Variants in JAKMIP3 observed in about 807,000 individuals in gnomAD.
JAKMIP3 encodes the protein Janus kinase and microtubule interacting protein 3, also known as janus kinase and microtubule-interacting protein 3.
A neutral mutation model predicts 118.5 loss-of-function variants in JAKMIP3; 58 were observed. The ratio of observed to expected loss-of-function variants is 0.49; its 90% CI spans 0.40 to 0.61. The LOEUF (loss-of-function observed/expected upper bound fraction) is 0.61. Ranked by LOEUF, JAKMIP3 falls within the 20% of genes least tolerant of loss-of-function variation. The pLI is 0.00. For synonymous variants in JAKMIP3, 486 were observed against 451.2 expected (o/e 1.08, Z -0.98); for missense variants, 950 against 1,109.0 (o/e 0.86, Z 2.04).
chr10:132,070,606 A>T (rs2039691667), intron 1 of JAKMIP3, among the ~76,000 whole-genome samples: 1 of 152,188 alleles, frequency 6.6e-6, no homozygotes, highest in African/African-American at 2.4e-5. Flanking sequence ...TTGTCTACTC[A>T]TTCCTGAAGT....
At chr10:132,073,104 A>T (rs1038842754) in intron 1 of JAKMIP3, among the ~76,000 whole-genome samples, 11 of 152,218 alleles carry the variant, frequency 7.2e-5, no homozygotes, top group African/African-American at 2.7e-4. Flanking sequence ...GTGGTTGAGT[A>T]GTATTCCATG....
chr10:132,177,520 T>TTG (rs1206135195), intron 23 of JAKMIP3, among the ~76,000 whole-genome samples: 1 of 57,012 alleles, frequency 1.8e-5, no homozygotes, highest in Admixed American at 2.3e-4. Flanking sequence ...GTGCCCTGGG[T>TTG]AGTGTGTGTG....
At chr10:132,133,646 C>T in intron 4 of JAKMIP3, 119 bp downstream of exon 4, 1 of 925,114 alleles carries the variant, frequency 1.1e-6, no homozygotes, top group Non-Finnish European at 1.6e-6. Context: ...GAGGCAGCAC[C>T]CTCCTGCCTG....
chr10:132,059,476 A>G (rs1235381872), intron 1 of JAKMIP3, among the ~76,000 whole-genome samples: 2 of 152,370 alleles, frequency 1.3e-5, no homozygotes, highest in East Asian at 3.9e-4. Flanking sequence ...CGTGGTGACC[A>G]CAGCAAGGAT....
intron 2 of JAKMIP3, among the ~76,000 whole-genome samples, chr10:132,111,358 A>C (rs1018626400): frequency 9.7e-5 from 14 of 144,612 alleles, no homozygotes; most frequent in Non-Finnish European, 3.1e-5. Context: ...GACCCCCCCC[A>C]TGAGCACAGC....
rs187401584 is a variant in JAKMIP3, at chr10:132,044,937, T to G, written c.-138+8199T>G. ...GCATGCGCGTCAGGATTTCCTTCCT[T>G]GAAGGCTGAATCCTACTCCACGGAA... On this transcript the variant is annotated intron_variant, in intron 1 of 23. Transcript: ENST00000657785. This position sits in a 1 kb window ranked among gnomAD's most constrained non-coding sequence, Gnocchi z 5.3. Among the ~76,000 whole-genome samples the G allele has an allele frequency of 2.9e-4, 44 of 152,210 alleles. No homozygotes were observed. In the East Asian group the frequency reaches 7.2e-3, roughly 25 times the overall value.
At chr10:132,091,674 T>C (rs181559637) in intron 1 of JAKMIP3, among the ~76,000 whole-genome samples, 12,946 of 152,134 alleles carry the variant, frequency 0.085, 1,280 homozygotes, top group African/African-American at 0.24. Flanking sequence ...TCTCTGCACG[T>C]GAGATGGGTT....
At chr10:132,084,190 G>C (rs184458201) in intron 1 of JAKMIP3, among the ~76,000 whole-genome samples, 55 of 151,666 alleles carry the variant, frequency 3.6e-4, no homozygotes, top group Non-Finnish European at 7.1e-4. Context: ...GTTTCCACTC[G>C]TTTGTGTTAT....
At chr10:132,120,959 G>A (rs368904046) in intron 3 of JAKMIP3, among the ~76,000 whole-genome samples, 14 of 152,248 alleles carry the variant, frequency 9.2e-5, no homozygotes, top group Non-Finnish European at 1.8e-4. Flanking sequence ...GCGGCACAGC[G>A]TGGTGTCCAG....
chr10:132,097,443 T>C (rs780504194), intron 1 of JAKMIP3, among the ~76,000 whole-genome samples: 2 of 151,996 alleles, frequency 1.3e-5, no homozygotes, highest in Non-Finnish European at 2.9e-5. Context: ...TCACACGGAC[T>C]CTCGGGAGGT....
rs550665337 is a variant in JAKMIP3, at chr10:132,105,433, C to T, written c.135+490C>T. On this transcript the variant is annotated intron_variant, in intron 2 of 23. Coordinates refer to ENST00000684848, the MANE Select transcript of JAKMIP3 (RefSeq NM_001323087.2). ...GAATGTGGAGATGCAGGGGCAAGCC[C>T]GGGGGATGGGGAGGCCCACGATGGC... 9.1e-4 allele frequency among the ~76,000 whole-genome samples: 138 copies of T among 151,548 alleles called. 5 individuals carry two copies. The South Asian group carries it at 0.028, about 30-fold the overall frequency.
chr10:132,119,443 G>A (rs751673428), intron 3 of JAKMIP3, among the ~76,000 whole-genome samples: 6 of 152,092 alleles, frequency 3.9e-5, no homozygotes, highest in Admixed American at 6.5e-5. Context: ...TTATAGTTTC[G>A]TCTTGCATAC....
intron 1 of JAKMIP3, among the ~76,000 whole-genome samples, chr10:132,071,065 G>A (rs2039757991): frequency 6.6e-6 from 1 of 151,836 alleles, no homozygotes. Flanking sequence ...GCTGTGTCCT[G>A]CAACTTCTGG....
intron 22 of JAKMIP3, 32 bp from the exon 23 acceptor site, chr10:132,167,921 T>C (rs1247660708): frequency 2.3e-6 from 3 of 1,282,684 alleles, no homozygotes; most frequent in Non-Finnish European, 3.0e-6. Context: ...GGAGCCTCGC[T>C]GACTCTGCAC....
intron 1 of JAKMIP3, among the ~76,000 whole-genome samples, chr10:132,104,140 G>C (rs2045539433): frequency 1.4e-5 from 2 of 142,278 alleles, no homozygotes; most frequent in African/African-American, 2.8e-5. Flanking sequence ...ATGGATGCAG[G>C]TTGCCTCCAC....
chr10:132,142,602 G>A (rs970921307), intron 11 of JAKMIP3, among the ~76,000 whole-genome samples: 1 of 152,180 alleles, frequency 6.6e-6, no homozygotes, highest in Non-Finnish European at 1.5e-5. Context: ...GCCTCAGTGT[G>A]GCTGGCGGGT....
chr10:132,150,667 C>T (rs1564967772), intron 16 of JAKMIP3, among the ~76,000 whole-genome samples: 1 of 152,054 alleles, frequency 6.6e-6, no homozygotes, highest in Non-Finnish European at 1.5e-5. Flanking sequence ...TCCATGTATC[C>T]ATCCTCCACA....
chr10:132,062,954 T>G (rs1282345334), upstream of JAKMIP3, among the ~76,000 whole-genome samples: 2 of 152,002 alleles, frequency 1.3e-5, no homozygotes, highest in East Asian at 3.9e-4. Context: ...TGCAATATAA[T>G]AGAAGGAAGA....
Position 132,150,935 on chromosome 10 carries a change from G to A in JAKMIP3, c.2007+894G>A, listed in dbSNP as rs564643949. The stretch of plus-strand genomic sequence containing the variant: ...TCCATTTATCCATCATCCACAATCT[G>A]TCCATCCATCCTCCATCTATCTATC... On this transcript the variant is annotated intron_variant, in intron 16 of 23. Transcript: ENST00000684848. Among the ~76,000 whole-genome samples, 6 of 150,842 alleles carry A rather than the reference G, an allele frequency of 4.0e-5. No homozygotes were observed. The South Asian group carries it at 1.3e-3, about 32-fold the overall frequency.
Sources: gnomAD v4.1 joint callset for allele counts (sites outside exome capture counted in the v4.1 genomes callset) on GRCh38, gnomAD v4.1.1 for gene constraint, Gnocchi (gnomAD v3.1) non-coding constraint, MANE v1.5 for transcripts, NCBI Gene and HGNC (gene_info 2026-07-23, HGNC 2026-07-21) for gene names.